SPATA25: variants seen among roughly 807,000 people sequenced by gnomAD.
SPATA25 encodes the protein spermatogenesis-associated protein 25.
Under a neutral mutation model 16.0 loss-of-function variants are expected in SPATA25, and 16 were observed. That is an observed-to-expected ratio of 1.00 (90% CI 0.68 to 1.52). The LOEUF (loss-of-function observed/expected upper bound fraction) is 1.52. Ranked by LOEUF, SPATA25 falls within the 40% of genes most tolerant of loss-of-function variation. The pLI, the probability that SPATA25 is intolerant of heterozygous loss-of-function variation, is 0.00. For synonymous variants in SPATA25, 115 were observed against 118.5 expected, an observed-to-expected ratio of 0.97 and a Z score of 0.19; for missense variants, 285 against 289.2, an observed-to-expected ratio of 0.99 and a Z score of 0.11.
At chr20:45,888,840 A>T (rs199882983), upstream of SPATA25, 6 of 1,614,132 alleles carry the variant, frequency 3.7e-6, no homozygotes, top group Admixed American at 1.0e-4. Flanking sequence ...GCTCCTTTGT[A>T]TCACTAGGCG....
At chr20:45,887,419 T>C in intron 1 of SPATA25, 117 bp downstream of exon 1, 1 of 1,008,982 alleles carries the variant, frequency 9.9e-7, no homozygotes. Context: ...TCTAAAAGAA[T>C]TGATTCTAGG....
At position 45,886,634 on chromosome 20, in the gene SPATA25, C is replaced by T. The variant is rs766624690; in HGVS notation, c.567G>A (p.Pro189=). The T allele has an allele frequency of 2.1e-5, 34 of 1,613,942 alleles. No homozygotes were observed. Among genetic ancestry groups the T allele is most frequent in the African/African-American group, 8.0e-5 (6 of 74,954 alleles). Residue 189 remains proline, a synonymous_variant, in exon 2 of 2, where the codon CCG becomes CCA. Transcript: ENST00000372519. Reference sequence around the variant, plus strand: ...CCCCCTCCACAGCACCCTCTGGCTCCGGATGGGCCATCATGAAAGCTTGAG... The same window carrying T: ...CCCCCTCCACAGCACCCTCTGGCTCTGGATGGGCCATCATGAAAGCTTGAG... The part of the protein sequence containing the change: ...WAAQAFMMAH[P]EPEGAVEGAR...
Position 45,886,934 on chromosome 20 carries a change from G to T in SPATA25, c.267C>A (p.Asn89Lys), listed in dbSNP as rs1986500532. The change falls in exon 2 of 2, where the codon AAC (asparagine) becomes AAA (lysine). Residue 89 changes from asparagine (N) to lysine (K), a missense_variant. Physicochemically the swap from Asn to Lys is moderately conservative, Grantham distance 94. Coordinates refer to ENST00000372519, the MANE Select transcript of SPATA25 (RefSeq NM_080608.4). ...GCCTCACATGCGGGAATTTGTGGCA[G>T]TTTCGGCTGTATTCCTTCCGTAGTG... ...WETLRKEYSR[N>K]CHKFPHVRQL... 7 of 1,614,160 alleles carry T rather than the reference G, an allele frequency of 4.3e-6. No individual in the cohort carries two copies. Among genetic ancestry groups the T allele is most frequent in the Non-Finnish European group, 5.9e-6 (7 of 1,180,050 alleles).
rs746859264 is a variant in SPATA25 at position 45,886,668 on chromosome 20, A to G, written c.533T>C (p.Ile178Thr). Residue 178 changes from isoleucine (I) to threonine (T), a missense_variant, in exon 2 of 2, where the codon ATC (isoleucine) becomes ACC (threonine). Coordinates refer to ENST00000372519, the MANE Select transcript of SPATA25 (RefSeq NM_080608.4). Reference protein sequence around the residue: ...PVPGVREEDLIWAAQAFMMAH... With the variant: ...PVPGVREEDLTWAAQAFMMAH... ...CATCATGAAAGCTTGAGCGGCCCAGATCAGGTCCTCTTCCCGAACTCCTGG... is the reference window on the plus strand; with the variant it reads ...CATCATGAAAGCTTGAGCGGCCCAGGTCAGGTCCTCTTCCCGAACTCCTGG... 39 of 1,614,028 alleles carry G rather than the reference A, an allele frequency of 2.4e-5. 1 individual carries two copies. Among genetic ancestry groups the G allele is most frequent in the Non-Finnish European group, 3.1e-5 (37 of 1,180,046 alleles).
chr20:45,886,637 A>C lies in SPATA25; in HGVS notation c.564T>G (p.His188Gln). 6.2e-7 allele frequency: 1 copy of C among 1,614,042 alleles called. No homozygotes were observed. Among genetic ancestry groups the C allele is most frequent in the African/African-American group, 1.3e-5 (1 of 75,054 alleles). ...CCTCCACAGCACCCTCTGGCTCCGGATGGGCCATCATGAAAGCTTGAGCGG... is the reference window on the plus strand; with the variant it reads ...CCTCCACAGCACCCTCTGGCTCCGGCTGGGCCATCATGAAAGCTTGAGCGG... ...IWAAQAFMMA[H>Q]PEPEGAVEGA... is the part of the protein sequence containing the mutation. The change falls in exon 2 of 2, where the codon CAT (histidine) becomes CAG (glutamine). Residue 188 changes from histidine (H) to glutamine (Q), a missense_variant. Physicochemically the swap from His to Gln is conservative, Grantham distance 24 (BLOSUM62 0). Coordinates refer to ENST00000372519, the MANE Select transcript of SPATA25 (RefSeq NM_080608.4).
At chr20:45,887,673 A>C, upstream of SPATA25, 11 of 1,326,302 alleles carry the variant, frequency 8.3e-6, no homozygotes, top group Non-Finnish European at 1.2e-5. Flanking sequence ...ATGTCACCTC[A>C]TAGACCCTCC....
upstream of SPATA25, chr20:45,890,790 C>T: frequency 6.2e-7 from 1 of 1,603,168 alleles, no homozygotes; most frequent in Non-Finnish European, 8.5e-7. Context: ...TCGATCTCGA[C>T]CAGGAAGACC....
chr20:45,889,909 C>T (rs6073944), upstream of SPATA25, among the ~76,000 whole-genome samples: 1,462 of 152,278 alleles, frequency 9.6e-3, 16 homozygotes, highest in East Asian at 0.021. Flanking sequence ...CCACTGTGCC[C>T]GGCCAAGCAT....
At chr20:45,890,971 G>C, upstream of SPATA25, 2 of 1,494,346 alleles carry the variant, frequency 1.3e-6, no homozygotes, top group Non-Finnish European at 8.9e-7. Flanking sequence ...CCGAATCCAC[G>C]GGCTCGGAGG....
upstream of SPATA25, chr20:45,890,406 G>A (rs1001455876): frequency 1.2e-5 from 20 of 1,612,250 alleles, no homozygotes; most frequent in African/African-American, 1.2e-4. Flanking sequence ...TCGGGGCGCG[G>A]GCAAAAGAGG....
At chr20:45,887,441 A>T in intron 1 of SPATA25, 95 bp downstream of exon 1, 1 of 1,245,670 alleles carries the variant, frequency 8.0e-7, no homozygotes, top group Non-Finnish European at 1.1e-6. Flanking sequence ...CCAGCCCCCA[A>T]ATGCCCAGCA....
At chr20:45,889,002 C>T (rs1986600058), upstream of SPATA25, 9 of 1,018,296 alleles carry the variant, frequency 8.8e-6, no homozygotes, top group South Asian at 1.4e-4. Context: ...TCTCTGGGCC[C>T]AGCCTGCTTC....
In SPATA25 at chr20:45,886,624, C is replaced by A. The variant is rs1290606532; in HGVS notation, c.577G>T (p.Gly193Cys). The change falls in exon 2 of 2, where the codon GGT becomes TGT. Residue 193 changes from glycine (G) to cysteine (C), a missense_variant. Transcript: ENST00000372519. ...AFMMAHPEPE[G>C]AVEGARWEQA... Reference sequence around the variant, plus strand: ...TCCCACCGCGCCCCCTCCACAGCACCCTCTGGCTCCGGATGGGCCATCATG... The same window carrying A: ...TCCCACCGCGCCCCCTCCACAGCACACTCTGGCTCCGGATGGGCCATCATG... 1.9e-6 allele frequency: 3 copies of A among 1,613,946 alleles called. No homozygotes were observed. The East Asian group carries it at 6.7e-5, about 36-fold the overall frequency.
chr20:45,886,707 G>A lies in SPATA25; in HGVS notation c.494C>T (p.Pro165Leu). 1.2e-6 allele frequency: 2 copies of A among 1,614,164 alleles called. No homozygotes were observed. The highest frequency in any genetic ancestry group is 1.1e-5 in the South Asian group (1 of 91,078). ...LTLAMMIAGIPTVPVPGVREE... is the reference protein window; with the variant it reads ...LTLAMMIAGILTVPVPGVREE... ...CCGAACTCCTGGGACGGGCACGGTG[G>A]GGATGCCAGCGATCATCATGGCGAG... The change falls in exon 2 of 2, where the codon CCC (proline) becomes CTC (leucine). Residue 165 changes from proline (P) to leucine (L), a missense_variant. Physicochemically the swap from Pro to Leu is moderately conservative, Grantham distance 98. Coordinates refer to ENST00000372519, the MANE Select transcript of SPATA25 (RefSeq NM_080608.4).
chr20:45,890,591 G>A (rs1986737705), upstream of SPATA25: 23 of 1,612,314 alleles, frequency 1.4e-5, no homozygotes, highest in Admixed American at 3.3e-5. Flanking sequence ...TCGGCTGGGG[G>A]CCGCTGCCTC....
chr20:45,888,869 T>C, upstream of SPATA25: 1 of 1,614,050 alleles, frequency 6.2e-7, no homozygotes, highest in Non-Finnish European at 8.5e-7. Flanking sequence ...TCTGCAGGGA[T>C]GGCACTGTGG....
chr20:45,887,171 C>A, intron 1 of SPATA25, 26 bp from the exon 2 acceptor site: 1 of 1,560,028 alleles, frequency 6.4e-7, no homozygotes, highest in Non-Finnish European at 8.6e-7. Flanking sequence ...TGAAATGGAA[C>A]GTTATTCTCA....
rs545686793 is a variant in SPATA25, at chr20:45,886,804, G to A, written c.397C>T (p.Arg133Trp). ...RPLMLCGLSP[R>W]VLPVPSEAVG... ...GCCTCAGAGGGTACCGGTAGAACCCGTGGTGACAGCCCACACAGCATCAGG... is the reference window on the plus strand; with the variant it reads ...GCCTCAGAGGGTACCGGTAGAACCCATGGTGACAGCCCACACAGCATCAGG... The change falls in exon 2 of 2, where the codon CGG becomes TGG. Residue 133 changes from arginine to tryptophan, a missense_variant. Transcript: ENST00000372519. 10 of 1,613,914 alleles carry A rather than the reference G, an allele frequency of 6.2e-6. No individual in the cohort carries two copies. The highest frequency in any genetic ancestry group is 2.7e-5 in the African/African-American group (2 of 75,070).
At chr20:45,889,969 A>G (rs1436897034), upstream of SPATA25, among the ~76,000 whole-genome samples, 2 of 152,158 alleles carry the variant, frequency 1.3e-5, no homozygotes, top group African/African-American at 4.8e-5. Flanking sequence ...TAATATCTAA[A>G]ATTGGTTTAG....
Sources: allele counts gnomAD v4.1 joint callset (sites outside exome capture counted in the v4.1 genomes callset), GRCh38; gene constraint gnomAD v4.1.1; transcripts MANE v1.5; gene names NCBI Gene and HGNC (gene_info 2026-07-23, HGNC 2026-07-21).